MEF2D: variants seen among roughly 807,000 people sequenced by gnomAD.
MEF2D encodes myocyte-specific enhancer factor 2D.
MEF2D carries 10 observed loss-of-function variants against 59.3 expected under a neutral mutation model. That is an observed-to-expected ratio of 0.17 (90% CI 0.10 to 0.29). The LOEUF is 0.29. MEF2D is among the 10% of genes least tolerant of loss of function. The probability of loss-of-function intolerance (pLI) is 1.00; values close to 1 mark genes in which losing one functional copy is unlikely to be tolerated. For synonymous variants in MEF2D, 305 were observed against 295.0 expected (o/e 1.03, Z -0.35); for missense variants, 508 against 699.4 (o/e 0.73, Z 3.09).
intron 1 of MEF2D, among the ~76,000 whole-genome samples, chr1:156,500,019 C>G (rs1377268210): frequency 6.6e-6 from 1 of 152,146 alleles, no homozygotes; most frequent in Admixed American, 6.5e-5. Flanking sequence ...TCCCAGGCCC[C>G]CTTCTGCACC....
At chr1:156,484,738 T>C (rs911921217) in intron 1 of MEF2D, among the ~76,000 whole-genome samples, 2 of 152,162 alleles carry the variant, frequency 1.3e-5, no homozygotes, top group Non-Finnish European at 2.9e-5. Flanking sequence ...AAACAGCCCC[T>C]GCACTGAACA....
intron 1 of MEF2D, among the ~76,000 whole-genome samples, chr1:156,495,421 G>C (rs1047622614): frequency 6.6e-6 from 1 of 152,100 alleles, no homozygotes; most frequent in African/African-American, 2.4e-5. Context: ...CCCATGCTCA[G>C]TACAAAGCTT....
intron 1 of MEF2D, among the ~76,000 whole-genome samples, chr1:156,496,807 A>C (rs966764218): frequency 1.3e-5 from 2 of 152,204 alleles, no homozygotes; most frequent in Non-Finnish European, 2.9e-5. Flanking sequence ...GCCTGTCTAC[A>C]TGAGACCCTT....
intron 1 of MEF2D, among the ~76,000 whole-genome samples, chr1:156,485,033 G>A (rs1672259239): frequency 6.6e-6 from 1 of 152,108 alleles, no homozygotes; most frequent in African/African-American, 2.4e-5. Context: ...TGGGTCCTGG[G>A]AGGAGCCTGG....
chr1:156,490,942 G>A lies in MEF2D; in HGVS notation c.-138-7512C>T, dbSNP rs147888629. Among the ~76,000 whole-genome samples the A allele has an allele frequency of 1.4e-3, 219 of 152,280 alleles. 3 individuals are homozygous for A. In the East Asian group the frequency reaches 0.039, roughly 27 times the overall value. ...GTGAGGCCATTTGGCTCTCTACAAG[G>A]CAGCAGCCTGTCCGCCAGGGTCCAG... On this transcript the variant is annotated intron_variant, in intron 1 of 11. Transcript: ENST00000348159.
At chr1:156,493,072 G>A (rs1309586800) in intron 1 of MEF2D, among the ~76,000 whole-genome samples, 1 of 152,168 alleles carries the variant, frequency 6.6e-6, no homozygotes, top group Non-Finnish European at 1.5e-5. Context: ...CTTTTTTAAA[G>A]CAGCAAGATC....
At chr1:156,489,545 CAA>C (rs747341131) in intron 1 of MEF2D, among the ~76,000 whole-genome samples, 8 of 152,110 alleles carry the variant, frequency 5.3e-5, no homozygotes, top group Non-Finnish European at 1.2e-4. Context: ...ACCACAGAGA[CAA>C]AGATTCAGAG....
At chr1:156,485,942 C>T (rs1440787899) in intron 1 of MEF2D, among the ~76,000 whole-genome samples, 4 of 150,688 alleles carry the variant, frequency 2.7e-5, no homozygotes, top group Admixed American at 1.3e-4. Context: ...CTCTGCCTCC[C>T]GGGTTCAAGC....
At chr1:156,481,041 C>T (rs552216686) in intron 3 of MEF2D, 70 bp from the exon 4 acceptor site, 1 of 1,600,372 alleles carries the variant, frequency 6.2e-7, no homozygotes, top group Non-Finnish European at 8.5e-7. Flanking sequence ...TTCCTTCCAG[C>T]CCCTCCCTAA....
chr1:156,469,989 C>T (rs1454437523), intron 9 of MEF2D, among the ~76,000 whole-genome samples: 1 of 152,168 alleles, frequency 6.6e-6, no homozygotes, highest in African/African-American at 2.4e-5. Flanking sequence ...GCCCAAGGGG[C>T]AGAGGGGCTG....
chr1:156,476,230 G>A (rs1424662816), intron 8 of MEF2D, among the ~76,000 whole-genome samples: 2 of 152,122 alleles, frequency 1.3e-5, no homozygotes, highest in Non-Finnish European at 2.9e-5. Flanking sequence ...TACAGAGAAA[G>A]GTGTGTCTGA....
At chr1:156,475,731 C>T (rs1342685249) in intron 8 of MEF2D, among the ~76,000 whole-genome samples, 5 of 152,230 alleles carry the variant, frequency 3.3e-5, no homozygotes, top group South Asian at 2.1e-4. Flanking sequence ...CTTGTTTATT[C>T]CAACTCCATG....
rs1489955996 is a variant in MEF2D, at chr1:156,465,803, C to A, written c.*1842G>T. The A allele has an allele frequency of 6.6e-6, 1 of 152,226 alleles. No homozygotes were observed. Among genetic ancestry groups the A allele is most frequent in the African/African-American group, 2.4e-5 (1 of 41,434 alleles). The allele number at this position is 152,226 out of a possible 1,614,324, so 9.4% of individuals were successfully genotyped here. A position where few individuals can be genotyped will look rare whatever the true frequency, so the allele number is the denominator to read the frequency against. ...GAGGCCCCTCTGCTTCTGGTTCCTT[C>A]CCTGCATCAAGTATGGGAATACTGC... On this transcript the variant is annotated 3_prime_UTR_variant, in exon 12 of 12. Coordinates refer to ENST00000348159, the MANE Select transcript of MEF2D (RefSeq NM_005920.4).
At position 156,468,332 on chromosome 1, in the gene MEF2D, G is replaced by T. The variant is rs776074553; in HGVS notation, c.1248-33C>A. On this transcript the variant is annotated intron_variant, in intron 10 of 11. Coordinates refer to ENST00000348159, the MANE Select transcript of MEF2D (RefSeq NM_005920.4). The surrounding 1 kb of genome is among the most constrained non-coding windows in gnomAD (Gnocchi z 4.3). ...CAGGCAATGGAAATGGGGTACAAGGGATAAAAACAGAGGGGGTGAGTGACA... is the reference window on the plus strand; with the variant it reads ...CAGGCAATGGAAATGGGGTACAAGGTATAAAAACAGAGGGGGTGAGTGACA... 96 of 1,464,426 alleles carry T rather than the reference G, an allele frequency of 6.6e-5. No homozygotes were observed. The highest frequency in any genetic ancestry group is 8.5e-5 in the Non-Finnish European group (92 of 1,084,904). 90.7% of individuals were successfully genotyped at this position (1,464,426 alleles called of 1,614,324 possible).
chr1:156,492,105 GA>G lies in MEF2D; in HGVS notation c.-139+8380del, dbSNP rs1672838575. ...AGGAGTTTGGTAAGATTCACAGGGT[GA>G]AGTGTGGCTCTGTCACTGCCTTGGG... On this transcript the variant is annotated intron_variant, in intron 1 of 11. Transcript: ENST00000348159. Among the ~76,000 whole-genome samples the G allele has an allele frequency of 2.6e-5, 4 of 152,382 alleles. No homozygotes were observed. The South Asian group carries it at 8.3e-4, about 32-fold the overall frequency.
At chr1:156,490,226 C>T (rs567815723) in intron 1 of MEF2D, among the ~76,000 whole-genome samples, 30 of 152,236 alleles carry the variant, frequency 2.0e-4, no homozygotes, top group African/African-American at 5.3e-4. Flanking sequence ...TACTCCTGGG[C>T]CCCTCTCGGG....
At chr1:156,488,719 CG>C (rs937593276) in intron 1 of MEF2D, among the ~76,000 whole-genome samples, 42 of 152,144 alleles carry the variant, frequency 2.8e-4, no homozygotes, top group African/African-American at 1.0e-3. Flanking sequence ...AAACCATTCT[CG>C]GGTTTCAGAA....
intron 11 of MEF2D, 77 bp downstream of exon 11, chr1:156,467,916 A>T: frequency 6.6e-7 from 1 of 1,510,688 alleles, no homozygotes; most frequent in Non-Finnish European, 8.9e-7. Context: ...GTGGGAAATA[A>T]AACAGGTTAG....
intron 9 of MEF2D, 133 bp downstream of exon 9, chr1:156,474,975 G>A (rs1179124046): frequency 7.9e-7 from 1 of 1,271,336 alleles, no homozygotes; most frequent in Non-Finnish European, 1.1e-6. Flanking sequence ...TTAACCATAA[G>A]TAGGTGGGGG....
Sources: allele counts gnomAD v4.1 joint callset (sites outside exome capture counted in the v4.1 genomes callset), GRCh38; gene constraint gnomAD v4.1.1; non-coding constraint Gnocchi (gnomAD v3.1); transcripts MANE v1.5; gene names NCBI Gene and HGNC (gene_info 2026-07-23, HGNC 2026-07-21).